Variants in PARP6 observed in about 807,000 individuals in gnomAD.
PARP6 encodes protein mono-ADP-ribosyltransferase PARP6.
In PARP6, 27 loss-of-function variants were observed where a neutral mutation model predicts 92.0. The ratio of observed to expected loss-of-function variants is 0.29; its 90% CI spans 0.22 to 0.40. PARP6 has a LOEUF of 0.40. Among genes scored for constraint, PARP6 ranks in the 10% least tolerant of loss-of-function variants. The probability of loss-of-function intolerance (pLI) is 1.00; values close to 1 mark genes in which losing one functional copy is unlikely to be tolerated. For synonymous variants in PARP6, 272 were observed against 281.2 expected (o/e 0.97, Z 0.33); for missense variants, 501 against 784.5 (o/e 0.64, Z 4.32).
intron 9 of PARP6, 108 bp downstream of exon 9, chr15:72,261,450 G>C: frequency 1.0e-6 from 1 of 995,724 alleles, no homozygotes. Flanking sequence ...TAGTTAAAGA[G>C]ACAGAATTCA....
chr15:72,241,639 T>C lies in PARP6; in HGVS notation c.1791-82A>G. On this transcript the variant is annotated intron_variant, in intron 23 of 23. Coordinates refer to ENST00000569795, the MANE Select transcript of PARP6 (RefSeq NM_001323532.2). This position sits in a 1 kb window ranked among gnomAD's most constrained non-coding sequence, Gnocchi z 4.1. ...CAATCAGTGGAACTGTATTTCAAGGTATGGCCATCCCATCCCAGAAGTCAA... is the reference window on the plus strand; with the variant it reads ...CAATCAGTGGAACTGTATTTCAAGGCATGGCCATCCCATCCCAGAAGTCAA... 1 of 1,087,934 alleles carries C rather than the reference T, an allele frequency of 9.2e-7. No individual in the cohort carries two copies. The highest frequency in any genetic ancestry group is 1.4e-6 in the Non-Finnish European group (1 of 711,272). 67.4% of individuals were successfully genotyped at this position (1,087,934 alleles called of 1,614,324 possible). A position where few individuals can be genotyped will look rare whatever the true frequency, so the allele number is the denominator to read the frequency against.
intron 20 of PARP6, chr15:72,243,084 T>A (rs975495153): frequency 5.1e-6 from 1 of 195,990 alleles, no homozygotes; most frequent in African/African-American, 2.3e-5. Context: ...GATAAGGTAG[T>A]GTGTGTTAGT....
At chr15:72,261,427 T>C in intron 9 of PARP6, 131 bp downstream of exon 9, 1 of 780,888 alleles carries the variant, frequency 1.3e-6, no homozygotes, top group Admixed American at 2.2e-5. Context: ...CAGGACCATG[T>C]GAGTGGTGTC....
intron 19 of PARP6, 112 bp downstream of exon 19, chr15:72,249,908 G>C: frequency 2.8e-6 from 2 of 708,220 alleles, no homozygotes; most frequent in Non-Finnish European, 5.2e-6. Flanking sequence ...CCACAAGACA[G>C]GTTAGGCTTG....
chr15:72,267,368 A>G (rs971161393), intron 3 of PARP6, 107 bp downstream of exon 3: 11 of 1,242,178 alleles, frequency 8.9e-6, no homozygotes, highest in African/African-American at 5.9e-5. Flanking sequence ...TAGCCACTCT[A>G]TCTTCCAAAA....
chr15:72,256,562 C>T lies in PARP6; in HGVS notation c.1028G>A (p.Arg343Lys). The change falls in exon 14 of 24, where the codon AGG becomes AAG. Residue 343 changes from arginine to lysine, a missense_variant. Coordinates refer to ENST00000569795, the MANE Select transcript of PARP6 (RefSeq NM_001323532.2). ...EVVDLLVAMC[R>K]AALESPRKSI... ...CTTTCTAGGGGACTCTAAAGCTGCC[C>T]TACACATGGCCACCAGCAGATCCAC... 1 of 1,579,408 alleles carries T rather than the reference C, an allele frequency of 6.3e-7. No homozygotes were observed. Among genetic ancestry groups the T allele is most frequent in the East Asian group, 2.4e-5 (1 of 42,030 alleles).
At chr15:72,247,945 A>G (rs767535962) in intron 20 of PARP6, among the ~76,000 whole-genome samples, 2 of 151,436 alleles carry the variant, frequency 1.3e-5, no homozygotes, top group Non-Finnish European at 2.9e-5. Flanking sequence ...TAATTTTTCT[A>G]TTTTTAGTAG....
intron 9 of PARP6, 89 bp downstream of exon 9, chr15:72,261,469 A>G (rs370370450): frequency 3.9e-5 from 44 of 1,131,340 alleles, no homozygotes; most frequent in East Asian, 3.6e-4. Flanking sequence ...CAGGGAAGAG[A>G]GGGGATAGAA....
chr15:72,254,458 G>C lies in PARP6; in HGVS notation c.1188C>G (p.Thr396=), dbSNP rs1425482028. Residue 396 remains threonine, a synonymous_variant, in exon 15 of 24, where the codon ACC becomes ACG. Coordinates refer to ENST00000569795, the MANE Select transcript of PARP6 (RefSeq NM_001323532.2). ...GGACAGAGAGAAGGCAGAATACCTG[G>C]GTCATCTCCCGAATAGACATCACAC... ...LDSVMSIREM[T]QGSYLEIKKQ... is the part of the protein sequence containing the mutation. 6.2e-7 allele frequency: 1 copy of C among 1,609,340 alleles called. No individual in the cohort carries two copies. The highest frequency in any genetic ancestry group is 8.5e-7 in the Non-Finnish European group (1 of 1,175,634).
chr15:72,258,335 T>TTTGA (rs767115105), intron 11 of PARP6, among the ~76,000 whole-genome samples: 1 of 152,188 alleles, frequency 6.6e-6, no homozygotes, highest in Non-Finnish European at 1.5e-5. Context: ...GAACATGATG[T>TTTGA]TTGATTGAGA....
intron 15 of PARP6, 115 bp from the exon 16 acceptor site, chr15:72,253,619 C>G (rs191355548): frequency 3.5e-5 from 29 of 826,396 alleles, no homozygotes; most frequent in Admixed American, 8.2e-5. Flanking sequence ...AAAGGCCACA[C>G]AGAGGAAAAA....
Position 72,242,011 on chromosome 15 carries a change from T to C in PARP6, c.1706-26A>G, listed in dbSNP as rs746505272. On this transcript the variant is annotated intron_variant, in intron 22 of 23. Coordinates refer to ENST00000569795, the MANE Select transcript of PARP6 (RefSeq NM_001323532.2). The surrounding 1 kb of genome is among the most constrained non-coding windows in gnomAD (Gnocchi z 4.3). ...CTGGGAGAAAGAGGGCCAGAAATCATAGATACAATGCTTAAGGCACAGAGT... is the reference window on the plus strand; with the variant it reads ...CTGGGAGAAAGAGGGCCAGAAATCACAGATACAATGCTTAAGGCACAGAGT... The C allele has an allele frequency of 1.1e-5, 17 of 1,559,266 alleles. 1 individual carries two copies. The highest frequency in any genetic ancestry group is 3.3e-4 in the Middle Eastern group (2 of 5,978).
rs2086764318 is a variant in PARP6, at chr15:72,267,565, A to G, written c.-88T>C. 7.1e-7 allele frequency: 1 copy of G among 1,418,128 alleles called. No individual in the cohort carries two copies. The highest frequency in any genetic ancestry group is 1.0e-6 in the Non-Finnish European group (1 of 1,001,680). 87.8% of individuals were successfully genotyped at this position (1,418,128 alleles called of 1,614,324 possible). ...CCGAACCAAGGCCAACGAGATGGGC[A>G]TTTAGGAGACCACAAAGGGAGACAA... On this transcript the variant is annotated 5_prime_UTR_variant, in exon 3 of 24. It removes an upstream start codon present in the reference 5' UTR. Coordinates refer to ENST00000569795, the MANE Select transcript of PARP6 (RefSeq NM_001323532.2).
rs2087584991 is a variant in PARP6 at position 72,272,423 on chromosome 15, C to G, written c.-490G>C. The G allele has an allele frequency of 6.6e-6, 1 of 152,430 alleles. No individual in the cohort carries two copies. Among genetic ancestry groups the G allele is most frequent in the Non-Finnish European group, 1.5e-5 (1 of 68,314 alleles). The allele number at this position is 152,430 out of a possible 1,614,324, so 9.4% of individuals were successfully genotyped here. A position where few individuals can be genotyped will look rare whatever the true frequency, so the allele number is the denominator to read the frequency against. ...CCACCCCTGCGGAGACGGGGCGAGC[C>G]CCGCACCCTTCCCGTGGCCCGGCCG... On this transcript the variant is annotated 5_prime_UTR_variant, in exon 1 of 24. Transcript: ENST00000569795.
intron 1 of PARP6, among the ~76,000 whole-genome samples, chr15:72,272,077 A>G (rs897851282): frequency 2.6e-5 from 4 of 152,144 alleles, no homozygotes; most frequent in Admixed American, 6.5e-5. Flanking sequence ...CTAAACAAAG[A>G]CTACTAGGAA....
rs1596864358 is a variant in PARP6 at position 72,242,940 on chromosome 15, G to A, written c.1562-241C>T. ...GTGTGAGCCTAGAGGAGGGCAACTA[G>A]CCTAGCCTAAGAGTTTAAAGAAGTC... On this transcript the variant is annotated intron_variant, in intron 20 of 23. Transcript: ENST00000569795. This position sits in a 1 kb window ranked among gnomAD's most constrained non-coding sequence, Gnocchi z 4.3. The A allele has an allele frequency of 2.1e-6, 1 of 478,784 alleles. No individual in the cohort carries two copies. Among genetic ancestry groups the A allele is most frequent in the Admixed American group, 3.8e-5 (1 of 26,168 alleles). 29.7% of individuals were successfully genotyped at this position (478,784 alleles called of 1,614,324 possible).
In PARP6 at chr15:72,250,840, C is replaced by T; in HGVS notation, c.1418+5G>A. 1.9e-6 allele frequency: 3 copies of T among 1,580,738 alleles called. No individual in the cohort carries two copies. Among genetic ancestry groups the T allele is most frequent in the Non-Finnish European group, 2.6e-6 (3 of 1,153,104 alleles). Reference sequence around the variant, plus strand: ...CCCCCACTGCCCAGCCCCCAGCCTCCTCACTGGAAGGCAAAGGTGCTGCCA... The same window carrying T: ...CCCCCACTGCCCAGCCCCCAGCCTCTTCACTGGAAGGCAAAGGTGCTGCCA... On this transcript the variant is annotated splice_donor_5th_base_variant and intron_variant, in intron 18 of 23. Coordinates refer to ENST00000569795, the MANE Select transcript of PARP6 (RefSeq NM_001323532.2).
intron 5 of PARP6, 103 bp from the exon 6 acceptor site, chr15:72,265,576 AAG>A (rs2086474772): frequency 2.2e-6 from 2 of 897,254 alleles, no homozygotes; most frequent in South Asian, 2.7e-5. Context: ...GGGGAAAGGG[AAG>A]AGTGGATGAC....
At position 72,267,278 on chromosome 15, in the gene PARP6, T is replaced by C. The variant is rs143333806; in HGVS notation, c.3+197A>G. The C allele has an allele frequency of 8.7e-4, 544 of 624,768 alleles. 2 individuals are homozygous for C. The highest frequency in any genetic ancestry group is 9.9e-4 in the East Asian group (36 of 36,408). The allele number at this position is 624,768 out of a possible 1,614,324, so 38.7% of individuals were successfully genotyped here. ...TCCTTTAAAGTACTTAACTCTCCTC[T>C]CCCTCCCCAAGAAAACCCACTACAC... On this transcript the variant is annotated intron_variant, in intron 3 of 23. Coordinates refer to ENST00000569795, the MANE Select transcript of PARP6 (RefSeq NM_001323532.2).
Sources: allele counts gnomAD v4.1 joint callset (sites outside exome capture counted in the v4.1 genomes callset), GRCh38; gene constraint gnomAD v4.1.1; non-coding constraint Gnocchi (gnomAD v3.1); transcripts MANE v1.5; gene names NCBI Gene and HGNC (gene_info 2026-07-23, HGNC 2026-07-21).